The following PRRG1 variants were observed in gnomAD, a reference collection of about 807,000 sequenced individuals.
The protein encoded by PRRG1 is transmembrane gamma-carboxyglutamic acid protein 1.
PRRG1 carries 5 observed loss-of-function variants against 11.8 expected under a neutral mutation model. The observed-to-expected ratio is 0.42, with a 90% confidence interval of 0.22 to 0.89. The LOEUF (loss-of-function observed/expected upper bound fraction) is 0.89. Ranked by LOEUF, PRRG1 falls within the 40% of genes least tolerant of loss-of-function variation. PRRG1 has a pLI of 0.28. For missense variants in PRRG1, 155 were observed against 166.1 expected (o/e 0.93, Z 0.37); for synonymous variants, 66 against 60.4 (o/e 1.09, Z -0.43).
At chrX:37,353,360 CAA>C (rs1255622045) in intron 1 of PRRG1, among the ~76,000 whole-genome samples, 1 of 112,239 alleles carries the variant, frequency 8.9e-6, no homozygotes, top group African/African-American at 3.2e-5. Context: ...AGTATTATTA[CAA>C]AAGAGTCAAA....
At chrX:37,434,070 T>G (rs1556391279) in intron 3 of PRRG1, among the ~76,000 whole-genome samples, 2 of 112,479 alleles carry the variant, frequency 1.8e-5, no homozygotes, top group African/African-American at 6.5e-5. Flanking sequence ...ATTTGAGATT[T>G]GCTTTCTACT....
intron 2 of PRRG1, among the ~76,000 whole-genome samples, chrX:37,408,200 G>A (rs1348455492): frequency 9.0e-6 from 1 of 111,641 alleles, no homozygotes; most frequent in African/African-American, 3.3e-5. Context: ...CTCATGTCGA[G>A]TTAGATAAAA....
At chrX:37,354,719 T>C (rs113362444) in intron 1 of PRRG1, among the ~76,000 whole-genome samples, 8,628 of 110,632 alleles carry the variant, frequency 0.078, 285 homozygotes, top group Admixed American at 0.1. Context: ...CTGTTTAGAG[T>C]GTCCTCTAAA....
At chrX:37,425,758 T>C in intron 2 of PRRG1, 82 bp from the exon 3 acceptor site, 4 of 891,235 alleles carry the variant, frequency 4.5e-6, no homozygotes, top group Non-Finnish European at 6.1e-6. Flanking sequence ...ATGTTGGCTA[T>C]GTTTTCTAAA....
chrX:37,451,235 C>T (rs1367246472), intron 3 of PRRG1, among the ~76,000 whole-genome samples: 1 of 111,910 alleles, frequency 8.9e-6, no homozygotes, highest in Non-Finnish European at 1.9e-5. Flanking sequence ...TCAGGCCGGT[C>T]TCGAACTCTC....
In PRRG1 at chrX:37,400,904, G is replaced by A. The variant is rs1265659740; in HGVS notation, c.-41-5305G>A. Among the ~76,000 whole-genome samples the A allele has an allele frequency of 2.7e-5, 3 of 111,264 alleles. No homozygotes were observed. The East Asian group carries it at 8.4e-4, about 31-fold the overall frequency. On this transcript the variant is annotated intron_variant, in intron 1 of 3. Coordinates refer to ENST00000378628, the MANE Select transcript of PRRG1 (RefSeq NM_001142395.2). ...TATAGAAGAAATGGATAAATTCCTC[G>A]ACACATACACCCTCCCAAGACTAAA...
At chrX:37,433,638 T>C (rs1375138651) in intron 3 of PRRG1, among the ~76,000 whole-genome samples, 1 of 111,157 alleles carries the variant, frequency 9.0e-6, no homozygotes, top group Non-Finnish European at 1.9e-5. Context: ...ACATTTCTCA[T>C]CTGTTTTGTT....
At chrX:37,389,937 T>C (rs911687046) in intron 1 of PRRG1, among the ~76,000 whole-genome samples, 1 of 112,076 alleles carries the variant, frequency 8.9e-6, no homozygotes, top group Non-Finnish European at 1.9e-5. Context: ...TGGGAGTTTG[T>C]TTTACTACTT....
intron 3 of PRRG1, among the ~76,000 whole-genome samples, chrX:37,428,279 A>C (rs782014469): frequency 1.4e-4 from 16 of 111,488 alleles, no homozygotes; most frequent in Non-Finnish European, 3.0e-4. Flanking sequence ...GCATTAACCC[A>C]AAAGTCCACA....
At chrX:37,420,109 G>A (rs1235566309) in intron 2 of PRRG1, among the ~76,000 whole-genome samples, 1 of 111,629 alleles carries the variant, frequency 9.0e-6, no homozygotes, top group Non-Finnish European at 1.9e-5. Flanking sequence ...GTCAAGCCCT[G>A]AGCAAAGCAC....
rs1410899507 is a variant in PRRG1 at position 37,456,146 on chromosome X, A to T, written c.*2525A>T. ...GTTTAAATAAGTTAATACTTTAAAA[A>T]TTTTCAGGTTTTTTTAGTATGGTGA... On this transcript the variant is annotated 3_prime_UTR_variant, in exon 4 of 4. Coordinates refer to ENST00000378628, the MANE Select transcript of PRRG1 (RefSeq NM_001142395.2). 8.9e-6 allele frequency: 1 copy of T among 111,852 alleles called. No homozygotes were observed. Among genetic ancestry groups the T allele is most frequent in the Admixed American group, 9.5e-5 (1 of 10,519 alleles). 9.2% of individuals were successfully genotyped at this position (111,852 alleles called of 1,213,427 possible).
At chrX:37,363,598 A>G (rs895146891) in intron 1 of PRRG1, among the ~76,000 whole-genome samples, 2 of 112,350 alleles carry the variant, frequency 1.8e-5, no homozygotes, top group East Asian at 5.6e-4. Flanking sequence ...CCATTAAAAG[A>G]GATGACTGTG....
intron 2 of PRRG1, among the ~76,000 whole-genome samples, chrX:37,416,350 T>C (rs1358304291): frequency 1.8e-5 from 2 of 112,461 alleles, no homozygotes; most frequent in Non-Finnish European, 3.8e-5. Context: ...CATTGCAATA[T>C]AAAATTATGC....
chrX:37,412,761 T>G (rs1282620700), intron 2 of PRRG1, among the ~76,000 whole-genome samples: 12 of 111,394 alleles, frequency 1.1e-4, no homozygotes, highest in Non-Finnish European at 3.8e-5. Flanking sequence ...TGATGCTTTT[T>G]GTCTTTGATG....
chrX:37,432,382 G>A (rs1329060985), intron 3 of PRRG1, among the ~76,000 whole-genome samples: 1 of 111,758 alleles, frequency 8.9e-6, no homozygotes, highest in African/African-American at 3.3e-5. Flanking sequence ...CACTGCACCC[G>A]GACCGTGAAC....
chrX:37,436,812 C>T (rs1932889631), intron 3 of PRRG1, among the ~76,000 whole-genome samples: 1 of 112,014 alleles, frequency 8.9e-6, no homozygotes, highest in South Asian at 3.7e-4. Context: ...ATTGCTGTGG[C>T]CTTCTTCTAG....
intron 2 of PRRG1, among the ~76,000 whole-genome samples, chrX:37,416,010 C>A (rs1556385097): frequency 2.7e-5 from 3 of 111,912 alleles, no homozygotes. Context: ...TTCAGGCACA[C>A]CCTTGACTGC....
chrX:37,373,472 A>G (rs1019473784), intron 1 of PRRG1, among the ~76,000 whole-genome samples: 2 of 111,809 alleles, frequency 1.8e-5, no homozygotes, highest in African/African-American at 3.2e-5. Flanking sequence ...AAATTTTTTC[A>G]ATGTTTTACA....
intron 1 of PRRG1, among the ~76,000 whole-genome samples, chrX:37,402,391 T>C (rs1319368966): frequency 5.4e-5 from 6 of 111,791 alleles, no homozygotes; most frequent in African/African-American, 2.0e-4. Context: ...GGGGAAAGGA[T>C]TCCCTATTTA....
Sources: gnomAD v4.1 joint callset for allele counts (sites outside exome capture counted in the v4.1 genomes callset) on GRCh38, gnomAD v4.1.1 for gene constraint, MANE v1.5 for transcripts, NCBI Gene and HGNC (gene_info 2026-07-23, HGNC 2026-07-21) for gene names.